Variants in C10orf90 observed in about 807,000 individuals in gnomAD.
C10orf90 encodes (E2-independent) E3 ubiquitin-conjugating enzyme FATS.
A neutral mutation model predicts 62.5 loss-of-function variants in C10orf90; 56 were observed. That is an observed-to-expected ratio of 0.90 (90% CI 0.72 to 1.12). The LOEUF is 1.12. Ranked by LOEUF, C10orf90 falls within the 50% of genes most tolerant of loss-of-function variation. The pLI is 0.00. For synonymous variants in C10orf90, 386 were observed against 340.4 expected, an observed-to-expected ratio of 1.13 and a Z score of -1.47; for missense variants, 970 against 880.4, an observed-to-expected ratio of 1.10 and a Z score of -1.29.
chr10:126,440,239 G>A (rs1253565026), intron 7 of C10orf90, among the ~76,000 whole-genome samples: 1 of 152,162 alleles, frequency 6.6e-6, no homozygotes, highest in African/African-American at 2.4e-5. Flanking sequence ...GGATTGCGTG[G>A]GAGCTGGGTG....
At chr10:126,459,356 T>C (rs1859802130) in intron 6 of C10orf90, 139 bp from the exon 7 acceptor site, 2 of 917,868 alleles carry the variant, frequency 2.2e-6, no homozygotes, top group Admixed American at 2.4e-5. Context: ...TACGTCACGC[T>C]TTTCTTGCAC....
At chr10:126,654,291 A>G (rs1846349289) in intron 1 of C10orf90, among the ~76,000 whole-genome samples, 1 of 152,316 alleles carries the variant, frequency 6.6e-6, no homozygotes, top group East Asian at 1.9e-4. Context: ...TCCATTGAAA[A>G]TCTGTTGTTT....
chr10:126,658,484 C>A, intron 1 of C10orf90, among the ~76,000 whole-genome samples: 1 of 152,120 alleles, frequency 6.6e-6, no homozygotes, highest in Admixed American at 6.5e-5. Context: ...TACATATATG[C>A]GTCTATAAGC....
intron 2 of C10orf90, among the ~76,000 whole-genome samples, chr10:126,629,427 A>G (rs1231093231): frequency 6.6e-6 from 1 of 152,198 alleles, no homozygotes; most frequent in Non-Finnish European, 1.5e-5. Context: ...CGGCACCCTC[A>G]GATAAGCCTC....
intron 7 of C10orf90, among the ~76,000 whole-genome samples, chr10:126,441,438 T>G (rs1046744243): frequency 6.6e-6 from 1 of 152,062 alleles, no homozygotes; most frequent in Admixed American, 6.6e-5. Context: ...AGAAGAGAAA[T>G]CTAAAAGTTT....
intron 2 of C10orf90, among the ~76,000 whole-genome samples, chr10:126,564,053 G>T (rs961313948): frequency 6.6e-6 from 1 of 152,140 alleles, no homozygotes; most frequent in Admixed American, 6.5e-5. Flanking sequence ...CACCCCAGGT[G>T]TGAAAACCAC....
intron 2 of C10orf90, among the ~76,000 whole-genome samples, chr10:126,643,312 G>A (rs1440281138): frequency 6.6e-6 from 1 of 152,190 alleles, no homozygotes; most frequent in Non-Finnish European, 1.5e-5. Context: ...CCACTCCACA[G>A]GGTCTTCCCC....
chr10:126,668,924 A>T (rs1388817754), intron 1 of C10orf90, among the ~76,000 whole-genome samples: 2 of 152,186 alleles, frequency 1.3e-5, no homozygotes, highest in Non-Finnish European at 2.9e-5. Flanking sequence ...TGGCTATAGG[A>T]ATCAGTGAAG....
intron 3 of C10orf90, among the ~76,000 whole-genome samples, chr10:126,511,829 G>A (rs543780526): frequency 6.6e-6 from 1 of 152,106 alleles, no homozygotes; most frequent in African/African-American, 2.4e-5. Flanking sequence ...GTTTCTGCAT[G>A]GGGTTGCTAT....
At chr10:126,499,556 C>T (rs925664508) in intron 4 of C10orf90, among the ~76,000 whole-genome samples, 3 of 152,086 alleles carry the variant, frequency 2.0e-5, no homozygotes, top group Non-Finnish European at 4.4e-5. Context: ...TGTTATCTGC[C>T]CTTGAGTGGC....
intron 7 of C10orf90, among the ~76,000 whole-genome samples, chr10:126,449,070 A>G (rs756794020): frequency 1.3e-5 from 2 of 152,206 alleles, no homozygotes; most frequent in African/African-American, 4.8e-5. Flanking sequence ...AAAGTCAGAT[A>G]AGAACATTTT....
intron 2 of C10orf90, among the ~76,000 whole-genome samples, chr10:126,605,142 C>G (rs1185696244): frequency 6.6e-6 from 1 of 152,216 alleles, no homozygotes; most frequent in Non-Finnish European, 1.5e-5. Flanking sequence ...AAACTTTATT[C>G]TGAAAAATGG....
At chr10:126,481,167 T>C (rs1861143740) in intron 4 of C10orf90, among the ~76,000 whole-genome samples, 1 of 152,212 alleles carries the variant, frequency 6.6e-6, no homozygotes, top group Non-Finnish European at 1.5e-5. Context: ...GAAATGTCAA[T>C]CAGAGAAGCC....
At position 126,504,209 on chromosome 10, in the gene C10orf90, C is replaced by T. The variant is rs745599903; in HGVS notation, c.1282G>A (p.Val428Ile). The T allele has an allele frequency of 4.3e-6, 7 of 1,614,058 alleles. No homozygotes were observed. The highest frequency in any genetic ancestry group is 2.7e-5 in the African/African-American group (2 of 74,930). ...AAACCTGGGTTCCAGCGCTGGCCTA[C>T]GAGGTCCTGGTCTCCCTCCAGGAGC... is the stretch of plus-strand genomic sequence containing the variant. ...QELLEGDQDLVGQRWNPGLQE... is the reference protein window; with the variant it reads ...QELLEGDQDLIGQRWNPGLQE... The change falls in exon 4 of 10, where the codon GTA becomes ATA. Residue 428 changes from valine to isoleucine, a missense_variant. Val to Ile is a conservative substitution (Grantham distance 29). Coordinates refer to ENST00000488181, the MANE Select transcript of C10orf90 (RefSeq NM_001350921.2). This position sits in a 1 kb window ranked among gnomAD's most constrained non-coding sequence, Gnocchi z 4.1.
intron 2 of C10orf90, among the ~76,000 whole-genome samples, chr10:126,565,249 A>ATATTACATATTATCTAATATAATAT (rs1564874261): frequency 3.7e-5 from 1 of 27,394 alleles, no homozygotes; most frequent in African/African-American, 1.1e-4. Context: ...TATAATATTT[A>ATATTACATATTATCTAATATAATAT]TTATATTATA....
At chr10:126,566,344 C>A (rs906336807) in intron 2 of C10orf90, among the ~76,000 whole-genome samples, 8 of 152,138 alleles carry the variant, frequency 5.3e-5, no homozygotes, top group African/African-American at 1.9e-4. Flanking sequence ...TGTGCTAAGT[C>A]CTGGAGATAA....
At chr10:126,537,860 A>G (rs1268832094) in intron 2 of C10orf90, among the ~76,000 whole-genome samples, 1 of 152,170 alleles carries the variant, frequency 6.6e-6, no homozygotes, top group Admixed American at 6.5e-5. Context: ...ATGTGATCTT[A>G]TTTGAAAGAG....
chr10:126,579,271 CTTT>C (rs1564880190), intron 2 of C10orf90, among the ~76,000 whole-genome samples: 2 of 136,044 alleles, frequency 1.5e-5, no homozygotes, highest in African/African-American at 5.4e-5. Flanking sequence ...TTCTTTCTTT[CTTT>C]CTTTTTTTTT....
chr10:126,487,082 T>C (rs983760395), intron 4 of C10orf90, among the ~76,000 whole-genome samples: 4 of 140,956 alleles, frequency 2.8e-5, no homozygotes, highest in Non-Finnish European at 3.0e-5. Context: ...GAGGTAGAGG[T>C]TGCAGTGAGC....
Sources: allele counts gnomAD v4.1 joint callset (sites outside exome capture counted in the v4.1 genomes callset), GRCh38; gene constraint gnomAD v4.1.1; non-coding constraint Gnocchi (gnomAD v3.1); transcripts MANE v1.5; gene names NCBI Gene and HGNC (gene_info 2026-07-23, HGNC 2026-07-21).